The following MNAT1 variants were observed in gnomAD, a reference collection of about 807,000 sequenced individuals.
MNAT1 encodes CDK-activating kinase assembly factor MAT1.
A neutral mutation model predicts 42.0 loss-of-function variants in MNAT1; 43 were observed. That is an observed-to-expected ratio of 1.02 (90% CI 0.80 to 1.32). The LOEUF is 1.32. Among genes scored for constraint, MNAT1 ranks in the 40% most tolerant of loss-of-function variants. MNAT1 has a pLI of 0.00. For synonymous variants in MNAT1, 118 were observed against 120.0 expected (o/e 0.98, Z 0.11); for missense variants, 306 against 350.4 (o/e 0.87, Z 1.01).
Position 60,734,809 on chromosome 14 carries a change from A to C in MNAT1, c.-54A>C. The C allele has an allele frequency of 6.4e-7, 1 of 1,554,152 alleles. No homozygotes were observed. The highest frequency in any genetic ancestry group is 8.9e-7 in the Non-Finnish European group (1 of 1,126,220). On this transcript the variant is annotated 5_prime_UTR_variant, in exon 1 of 8. Transcript: ENST00000261245. The surrounding 1 kb of genome is among the most constrained non-coding windows in gnomAD (Gnocchi z 4.3). ...CTTGGTCGCGTCTGAGGGGGCTTGT[A>C]GGTGGCTCTGGCTGAAACAGGCGCC...
intron 7 of MNAT1, among the ~76,000 whole-genome samples, chr14:60,917,113 T>C (rs1331834980): frequency 2.6e-5 from 4 of 152,162 alleles, no homozygotes; most frequent in African/African-American, 9.7e-5. Flanking sequence ...CCTAAACACA[T>C]AGAAGAAGTC....
At chr14:60,918,402 G>T (rs1266004639) in intron 7 of MNAT1, among the ~76,000 whole-genome samples, 1 of 150,564 alleles carries the variant, frequency 6.6e-6, no homozygotes. Flanking sequence ...TAGAGACGGG[G>T]TTTCACCGTT....
chr14:60,768,271 C>G (rs1469414254), intron 1 of MNAT1, among the ~76,000 whole-genome samples: 1 of 152,252 alleles, frequency 6.6e-6, no homozygotes, highest in Non-Finnish European at 1.5e-5. Context: ...TATTGTATTA[C>G]TCATTTATTA....
intron 6 of MNAT1, among the ~76,000 whole-genome samples, chr14:60,844,163 G>C (rs1202926352): frequency 6.6e-6 from 1 of 151,956 alleles, no homozygotes; most frequent in Non-Finnish European, 1.5e-5. Flanking sequence ...AGTAATTCTT[G>C]AATTAAGGTA....
intron 7 of MNAT1, among the ~76,000 whole-genome samples, chr14:60,946,122 G>T (rs527453886): frequency 6.6e-5 from 10 of 152,048 alleles, no homozygotes; most frequent in Non-Finnish European, 1.3e-4. Context: ...CCATCAAATT[G>T]GTCTCCCTCC....
chr14:60,847,615 C>G (rs2033713762), intron 6 of MNAT1, among the ~76,000 whole-genome samples: 1 of 151,920 alleles, frequency 6.6e-6, no homozygotes, highest in Non-Finnish European at 1.5e-5. Flanking sequence ...TTGTATATTT[C>G]TCATGGTGCT....
intron 1 of MNAT1, among the ~76,000 whole-genome samples, chr14:60,782,939 C>T (rs1051884873): frequency 1.3e-5 from 2 of 152,174 alleles, no homozygotes; most frequent in Non-Finnish European, 1.5e-5. Flanking sequence ...TCTTTCCTAA[C>T]TATATAATAC....
chr14:60,963,020 C>T lies in MNAT1; in HGVS notation c.810-5209C>T, dbSNP rs139424051. Among the ~76,000 whole-genome samples, 562 of 152,114 alleles carry T rather than the reference C, an allele frequency of 3.7e-3. 1 individual carries two copies. Among genetic ancestry groups the T allele is most frequent in the African/African-American group, 0.013 (524 of 41,466 alleles). On this transcript the variant is annotated intron_variant, in intron 7 of 7. Transcript: ENST00000261245. ...TTTTTAAGATGGAGTCTCGCTCTGT[C>T]GCCCAGGCTGGAGTGCAGTGGCGTG...
chr14:60,940,232 A>C (rs1423372502), intron 7 of MNAT1, among the ~76,000 whole-genome samples: 2 of 152,290 alleles, frequency 1.3e-5, no homozygotes, highest in East Asian at 3.9e-4. Flanking sequence ...GCCCATTTAC[A>C]TTTAAGGTTA....
At chr14:60,836,016 T>G (rs990071292) in intron 6 of MNAT1, among the ~76,000 whole-genome samples, 1 of 152,206 alleles carries the variant, frequency 6.6e-6, no homozygotes, top group African/African-American at 2.4e-5. Flanking sequence ...TTTCTTCCCC[T>G]TGATCGATTT....
rs534503237 is a variant in MNAT1, at chr14:60,782,233, G to A, written c.90-13984G>A. Among the ~76,000 whole-genome samples, 24 of 152,110 alleles carry A rather than the reference G, an allele frequency of 1.6e-4. 1 individual carries two copies. The South Asian group carries it at 4.8e-3, about 30-fold the overall frequency. On this transcript the variant is annotated intron_variant, in intron 1 of 7. Transcript: ENST00000261245. Reference sequence around the variant, plus strand: ...ACGTGATACAATTTGAAGACATGTTGAGCTTATGGGGGACCATTTGAGGCC... The same window carrying A: ...ACGTGATACAATTTGAAGACATGTTAAGCTTATGGGGGACCATTTGAGGCC...
chr14:60,829,922 C>T (rs1433073010), intron 6 of MNAT1, among the ~76,000 whole-genome samples: 1 of 152,148 alleles, frequency 6.6e-6, no homozygotes, highest in Non-Finnish European at 1.5e-5. Flanking sequence ...AGAGTTTTAT[C>T]AAGTTCCTAT....
At chr14:60,879,921 T>G in intron 7 of MNAT1, 86 bp downstream of exon 7, 2 of 1,431,070 alleles carry the variant, frequency 1.4e-6, no homozygotes, top group Admixed American at 2.3e-5. Flanking sequence ...ATTCTTAGAT[T>G]TTCAGTTTAT....
At chr14:60,848,211 G>A (rs571010204) in intron 6 of MNAT1, among the ~76,000 whole-genome samples, 10 of 152,210 alleles carry the variant, frequency 6.6e-5, no homozygotes, top group South Asian at 2.1e-4. Flanking sequence ...TCTTTTAGCC[G>A]TTTGAATATA....
chr14:60,877,144 G>A (rs889380088), intron 6 of MNAT1, among the ~76,000 whole-genome samples: 7 of 151,946 alleles, frequency 4.6e-5, no homozygotes, highest in African/African-American at 7.2e-5. Context: ...AATAGCCATG[G>A]GTGTGAAGTG....
At chr14:60,910,858 T>TC (rs1314187921) in intron 7 of MNAT1, among the ~76,000 whole-genome samples, 1 of 152,230 alleles carries the variant, frequency 6.6e-6, no homozygotes, top group African/African-American at 2.4e-5. Flanking sequence ...TAGGGAGGAT[T>TC]CCCTCTTTTT....
intron 3 of MNAT1, among the ~76,000 whole-genome samples, chr14:60,803,486 A>G (rs964544571): frequency 1.3e-5 from 2 of 152,284 alleles, no homozygotes; most frequent in Middle Eastern, 3.4e-3. Flanking sequence ...GAGCTTAAGT[A>G]TTGTGCCCAA....
intron 3 of MNAT1, among the ~76,000 whole-genome samples, chr14:60,804,330 C>A (rs946924311): frequency 6.6e-6 from 1 of 152,102 alleles, no homozygotes; most frequent in Non-Finnish European, 1.5e-5. Flanking sequence ...ATGAATGAGA[C>A]CTGCTTCATC....
intron 6 of MNAT1, among the ~76,000 whole-genome samples, chr14:60,879,059 T>C (rs979228961): frequency 6.6e-6 from 1 of 152,080 alleles, no homozygotes; most frequent in East Asian, 1.9e-4. Flanking sequence ...TCCTCACAAA[T>C]TGATGCAGAT....
Sources: allele counts gnomAD v4.1 joint callset (sites outside exome capture counted in the v4.1 genomes callset), GRCh38; gene constraint gnomAD v4.1.1; non-coding constraint Gnocchi (gnomAD v3.1); transcripts MANE v1.5; gene names NCBI Gene and HGNC (gene_info 2026-07-23, HGNC 2026-07-21).